The following ZNF777 variants were observed in gnomAD, a reference collection of about 807,000 sequenced individuals.
ZNF777 encodes the protein zinc finger protein 777.
In ZNF777, 7 loss-of-function variants were observed where a neutral mutation model predicts 72.1. The ratio of observed to expected loss-of-function variants is 0.10; its 90% CI spans 0.06 to 0.18. ZNF777 has a LOEUF of 0.18. ZNF777 is among the 10% of genes least tolerant of loss of function. ZNF777 has a pLI of 1.00. For missense variants in ZNF777, 828 were observed against 1,128.6 expected, an observed-to-expected ratio of 0.73 and a Z score of 3.82; for synonymous variants, 545 against 483.5, an observed-to-expected ratio of 1.13 and a Z score of -1.67.
Position 149,436,645 on chromosome 7 carries a change from C to G in ZNF777, c.1269G>C (p.Glu423Asp). ...ACTCGCTGGAGCCTTCCGTGGACTC[C>G]TCCAGCGTGTTCTCTGGCTCCTGCA... Reference protein sequence around the residue: ...LDMQEPENTLEESTEGSSEFS... With the variant: ...LDMQEPENTLDESTEGSSEFS... The change falls in exon 5 of 6, where the codon GAG (glutamate) becomes GAC (aspartate). Residue 423 changes from glutamate (E) to aspartate (D), a missense_variant. This residue lies in a region of ZNF777 where 219 missense variants were observed against 223.0 expected (regional missense o/e 0.98). Transcript: ENST00000247930. This position sits in a 1 kb window ranked among gnomAD's most constrained non-coding sequence, Gnocchi z 5.0. 6.2e-7 allele frequency: 1 copy of G among 1,614,012 alleles called. No homozygotes were observed. Among genetic ancestry groups the G allele is most frequent in the Non-Finnish European group, 8.5e-7 (1 of 1,180,038 alleles).
At chr7:149,449,183 C>T (rs573671860) in intron 4 of ZNF777, among the ~76,000 whole-genome samples, 6 of 152,310 alleles carry the variant, frequency 3.9e-5, no homozygotes, top group East Asian at 3.9e-4. Flanking sequence ...TGCGAGTGTG[C>T]GGCCCACTCT....
At chr7:149,440,673 G>GTTTTTTTT (rs1554493243) in intron 4 of ZNF777, among the ~76,000 whole-genome samples, 3 of 39,178 alleles carry the variant, frequency 7.7e-5, no homozygotes, top group Non-Finnish European at 1.2e-4. Context: ...TTGTTTTTTT[G>GTTTTTTTT]TTTTTTTTTT....
Position 149,456,072 on chromosome 7 carries a change from G to C in ZNF777, c.-15-35C>G, listed in dbSNP as rs1799825125. Reference sequence around the variant, plus strand: ...TGGAAGAAAGGAAAAGAGGATTAAAGGCCACAGTCTCCAGCTAGCAAAATA... The same window carrying C: ...TGGAAGAAAGGAAAAGAGGATTAAACGCCACAGTCTCCAGCTAGCAAAATA... On this transcript the variant is annotated intron_variant, in intron 1 of 5. Coordinates refer to ENST00000247930, the MANE Select transcript of ZNF777 (RefSeq NM_015694.3). 3 of 1,513,184 alleles carry C rather than the reference G, an allele frequency of 2.0e-6. No individual in the cohort carries two copies. In the South Asian group the frequency reaches 4.1e-5, roughly 21 times the overall value. 93.7% of individuals were successfully genotyped at this position (1,513,184 alleles called of 1,614,324 possible). A position where few individuals can be genotyped will look rare whatever the true frequency, so the allele number is the denominator to read the frequency against.
Position 149,432,941 on chromosome 7 carries a change from G to C in ZNF777, c.1340-9C>G, listed in dbSNP as rs1460999958. The C allele has an allele frequency of 6.9e-7, 1 of 1,458,350 alleles. No homozygotes were observed. The highest frequency in any genetic ancestry group is 2.5e-5 in the East Asian group (1 of 40,418). 90.3% of individuals were successfully genotyped at this position (1,458,350 alleles called of 1,614,324 possible). Reference sequence around the variant, plus strand: ...CTTGATCACGATCCCCTCTGCTCCAGGGACAGAGAGAGAAAGTCGTTAGCT... The same window carrying C: ...CTTGATCACGATCCCCTCTGCTCCACGGACAGAGAGAGAAAGTCGTTAGCT... On this transcript the variant is annotated splice_polypyrimidine_tract_variant and intron_variant, in intron 5 of 5. Transcript: ENST00000247930.
chr7:149,440,258 C>T (rs1799486394), intron 4 of ZNF777, among the ~76,000 whole-genome samples: 1 of 152,170 alleles, frequency 6.6e-6, no homozygotes, highest in African/African-American at 2.4e-5. Flanking sequence ...CGCTGCAGGA[C>T]ATGTATCTTA....
chr7:149,442,166 G>A (rs551996856), intron 4 of ZNF777, among the ~76,000 whole-genome samples: 2 of 148,042 alleles, frequency 1.4e-5, no homozygotes, highest in Admixed American at 6.8e-5. Context: ...GCAGTGAGCC[G>A]AGATTGCGCC....
chr7:149,447,146 G>A (rs1033004917), intron 4 of ZNF777, among the ~76,000 whole-genome samples: 1 of 152,066 alleles, frequency 6.6e-6, no homozygotes, highest in Non-Finnish European at 1.5e-5. Context: ...ACTAACATCC[G>A]GGCCCCATCA....
At position 149,454,129 on chromosome 7, in the gene ZNF777, C is replaced by G; in HGVS notation, c.955G>C (p.Glu319Gln). The change falls in exon 3 of 6, where the codon GAG (glutamate) becomes CAG (glutamine). Residue 319 changes from glutamate (E) to glutamine (Q), a missense_variant. By Grantham distance (29) the Glu-to-Gln change is conservative. This residue lies in a region of ZNF777 where 73 missense variants were observed against 90.6 expected (regional missense o/e 0.81). Transcript: ENST00000247930. ...TCCTTACCCATGGAAACCAGGGACT[C>G]GTAGTTGCCCCTCATCACGTTCTTG... ...LYKNVMRGNYESLVSMDYAIS... is the reference protein window; with the variant it reads ...LYKNVMRGNYQSLVSMDYAIS... 6.2e-7 allele frequency: 1 copy of G among 1,614,234 alleles called. No individual in the cohort carries two copies. The highest frequency in any genetic ancestry group is 8.5e-7 in the Non-Finnish European group (1 of 1,180,034).
rs568984851 is a variant in ZNF777, at chr7:149,460,742, C to T, written c.-16+73G>A. 600 of 152,416 alleles carry T rather than the reference C, an allele frequency of 3.9e-3. 5 individuals carry two copies. Among genetic ancestry groups the T allele is most frequent in the South Asian group, 0.013 (64 of 4,832 alleles). 9.4% of individuals were successfully genotyped at this position (152,416 alleles called of 1,614,324 possible). ...GGCGGCGACGGACACGCCCTGAGCC[C>T]GGGCCAGCCCGTCGTGGAGCCCGGG... On this transcript the variant is annotated intron_variant, in intron 1 of 5. Coordinates refer to ENST00000247930, the MANE Select transcript of ZNF777 (RefSeq NM_015694.3). This position sits in a 1 kb window ranked among gnomAD's most constrained non-coding sequence, Gnocchi z 6.1.
chr7:149,451,527 C>T (rs1799716439), intron 3 of ZNF777, among the ~76,000 whole-genome samples: 1 of 151,944 alleles, frequency 6.6e-6, no homozygotes, highest in Non-Finnish European at 1.5e-5. Context: ...CCCATCTCTA[C>T]TAAAAATGCA....
At chr7:149,459,301 GA>G (rs1303176344) in intron 1 of ZNF777, among the ~76,000 whole-genome samples, 28 of 152,300 alleles carry the variant, frequency 1.8e-4, no homozygotes, top group Admixed American at 1.8e-3. Flanking sequence ...GGGAGGATCT[GA>G]GGGATGATTT....
Position 149,436,447 on chromosome 7 carries a change from C to G in ZNF777, c.1339+128G>C. ...ATACTCGAGGCCGTGCTTGGTAATT[C>G]TTTCCCACCTGTTGCCCCATCAGTG... On this transcript the variant is annotated intron_variant, in intron 5 of 5. Coordinates refer to ENST00000247930, the MANE Select transcript of ZNF777 (RefSeq NM_015694.3). This position sits in a 1 kb window ranked among gnomAD's most constrained non-coding sequence, Gnocchi z 5.0. The G allele has an allele frequency of 8.6e-7, 1 of 1,163,264 alleles. No individual in the cohort carries two copies. Among genetic ancestry groups the G allele is most frequent in the Non-Finnish European group, 1.2e-6 (1 of 830,126 alleles). 72.1% of individuals were successfully genotyped at this position (1,163,264 alleles called of 1,614,324 possible). A position where few individuals can be genotyped will look rare whatever the true frequency, so the allele number is the denominator to read the frequency against.
chr7:149,455,240 C>T lies in ZNF777; in HGVS notation c.783G>A (p.Leu261=). The T allele has an allele frequency of 1.2e-6, 2 of 1,614,200 alleles. No homozygotes were observed. The highest frequency in any genetic ancestry group is 1.7e-6 in the Non-Finnish European group (2 of 1,180,052). The change falls in exon 2 of 6, where the codon CTG becomes CTA. Residue 261 remains leucine, a synonymous_variant. Transcript: ENST00000247930. The surrounding 1 kb of genome is among the most constrained non-coding windows in gnomAD (Gnocchi z 4.2). ...GGATCCAGAAATTTCTGTTTTTCAG[C>T]AGGTTCTCCATGTTCTCCAGCCGCC... is the stretch of plus-strand genomic sequence containing the variant. The part of the protein sequence containing the change: ...LQRRLENMEN[L]LKNRNFWILR...
At chr7:149,440,626 A>G (rs1481838305) in intron 4 of ZNF777, among the ~76,000 whole-genome samples, 1 of 147,310 alleles carries the variant, frequency 6.8e-6, no homozygotes, top group Non-Finnish European at 1.5e-5. Context: ...CCACAGAGCT[A>G]CGATTACAGG....
In ZNF777 at chr7:149,432,448, C is replaced by T; in HGVS notation, c.1824G>A (p.Gly608=). The part of the protein sequence containing the change: ...VRGGCVSPER[G]PTFNPKHALK... ...GCGCGTGCTTGGGGTTGAACGTGGGCCCGCGTTCGGGTGAGACGCAGCCTC... is the reference window on the plus strand; with the variant it reads ...GCGCGTGCTTGGGGTTGAACGTGGGTCCGCGTTCGGGTGAGACGCAGCCTC... Residue 608 remains glycine, a synonymous_variant, in exon 6 of 6, where the codon GGG becomes GGA. Coordinates refer to ENST00000247930, the MANE Select transcript of ZNF777 (RefSeq NM_015694.3). 3.7e-6 allele frequency: 6 copies of T among 1,613,406 alleles called. No individual in the cohort carries two copies. Among genetic ancestry groups the T allele is most frequent in the Non-Finnish European group, 4.2e-6 (5 of 1,179,892 alleles).
chr7:149,431,431 A>G lies in ZNF777; in HGVS notation c.*345T>C, dbSNP rs1323854922. On this transcript the variant is annotated 3_prime_UTR_variant, in exon 6 of 6. Transcript: ENST00000247930. Reference sequence around the variant, plus strand: ...ATCCAAAAGGTAATTATAAAGTTCTATCCCCAACTAGATGGGCCCTACACC... The same window carrying G: ...ATCCAAAAGGTAATTATAAAGTTCTGTCCCCAACTAGATGGGCCCTACACC... The G allele has an allele frequency of 2.3e-6, 1 of 436,666 alleles. No homozygotes were observed. The highest frequency in any genetic ancestry group is 2.1e-5 in the African/African-American group (1 of 48,724). 27.0% of individuals were successfully genotyped at this position (436,666 alleles called of 1,614,324 possible). A position where few individuals can be genotyped will look rare whatever the true frequency, so the allele number is the denominator to read the frequency against.
At chr7:149,459,081 T>C (rs911048222) in intron 1 of ZNF777, among the ~76,000 whole-genome samples, 4 of 152,252 alleles carry the variant, frequency 2.6e-5, no homozygotes, top group Admixed American at 6.5e-5. Context: ...CCCGAAGGCC[T>C]GAGCCCAGAG....
In ZNF777 at chr7:149,436,978, CA is replaced by C. The variant is rs1799422982; in HGVS notation, c.1088-153del. On this transcript the variant is annotated intron_variant, in intron 4 of 5. Transcript: ENST00000247930. The surrounding 1 kb of genome is among the most constrained non-coding windows in gnomAD (Gnocchi z 5.0). The stretch of plus-strand genomic sequence containing the variant: ...TAATATTGAGTTGGAAATGAGTAGA[CA>C]CAGAATTTTCTGGACACCTTGTAGC... 1 of 997,400 alleles carries C rather than the reference CA, an allele frequency of 1.0e-6. No homozygotes were observed. The highest frequency in any genetic ancestry group is 2.9e-5 in the Admixed American group (1 of 34,124). 61.8% of individuals were successfully genotyped at this position (997,400 alleles called of 1,614,324 possible).
chr7:149,445,320 T>C (rs927000429), intron 4 of ZNF777, among the ~76,000 whole-genome samples: 2 of 152,222 alleles, frequency 1.3e-5, no homozygotes, highest in African/African-American at 2.4e-5. Context: ...TCTAAATGTA[T>C]TTTTTCTGAT....
Sources: allele counts gnomAD v4.1 joint callset (sites outside exome capture counted in the v4.1 genomes callset), GRCh38; gene constraint gnomAD v4.1.1; regional missense constraint gnomAD v4.1.1; non-coding constraint Gnocchi (gnomAD v3.1); transcripts MANE v1.5; gene names NCBI Gene and HGNC (gene_info 2026-07-23, HGNC 2026-07-21).